The following AUTS2 variants were observed in gnomAD, a reference collection of about 807,000 sequenced individuals.
AUTS2 encodes activator of transcription and developmental regulator AUTS2, also known as autism susceptibility gene 2 protein.
In AUTS2, 17 loss-of-function variants were observed where a neutral mutation model predicts 112.4. The observed-to-expected ratio is 0.15, with a 90% CI of 0.10 to 0.23. The LOEUF is 0.23. Ranked by LOEUF, AUTS2 falls within the 10% of genes least tolerant of loss-of-function variation. AUTS2 has a pLI of 1.00. For synonymous variants in AUTS2, 751 were observed against 702.7 expected (o/e 1.07, Z -1.09); for missense variants, 1,510 against 1,701.6 (o/e 0.89, Z 1.98).
Position 70,787,368 on chromosome 7 carries a change from C to G in AUTS2, c.2468C>G (p.Ala823Gly), listed in dbSNP as rs751635272. 6.2e-7 allele frequency: 1 copy of G among 1,614,052 alleles called. No individual in the cohort carries two copies. Among genetic ancestry groups the G allele is most frequent in the South Asian group, 1.1e-5 (1 of 91,072 alleles). Residue 823 changes from alanine (A) to glycine (G), a missense_variant, in exon 18 of 19, where the codon GCT becomes GGT. Physicochemically the swap from Ala to Gly is moderately conservative, Grantham distance 60. Around this residue, in one of 3 missense-constraint regions of AUTS2, gnomAD observed 788 missense variants for 797.6 expected, o/e 0.99. Coordinates refer to ENST00000342771, the MANE Select transcript of AUTS2 (RefSeq NM_015570.4). The stretch of plus-strand genomic sequence containing the variant: ...CTGGAGCGCAGCGCGTCCGCTGCAG[C>G]TCATGACAGAGATAGAGATGTAGAT... ...GELERSASAAAHDRDRDVDKR... is the reference protein window; with the variant it reads ...GELERSASAAGHDRDRDVDKR...
At chr7:69,778,718 G>C (rs540992731) in intron 1 of AUTS2, among the ~76,000 whole-genome samples, 5 of 152,262 alleles carry the variant, frequency 3.3e-5, no homozygotes, top group Middle Eastern at 3.4e-3. Context: ...GCTGTTTCTT[G>C]GGACAGACTG....
At chr7:69,773,979 C>T (rs1488965490) in intron 1 of AUTS2, among the ~76,000 whole-genome samples, 1 of 152,230 alleles carries the variant, frequency 6.6e-6, no homozygotes, top group South Asian at 2.1e-4. Context: ...GGGAGGCGAA[C>T]TTCTACCTCA....
chr7:70,122,900 A>G (rs1425250307), intron 3 of AUTS2, among the ~76,000 whole-genome samples: 1 of 112,414 alleles, frequency 8.9e-6, no homozygotes. Context: ...CGTGACACGG[A>G]GTTTCGCTCT....
intron 4 of AUTS2, among the ~76,000 whole-genome samples, chr7:70,224,180 T>C (rs1175659554): frequency 1.3e-5 from 2 of 152,060 alleles, no homozygotes; most frequent in Admixed American, 1.3e-4. Flanking sequence ...GTGGGCATGA[T>C]GGTGTGTGCC....
intron 4 of AUTS2, among the ~76,000 whole-genome samples, chr7:70,242,708 C>A (rs765182627): frequency 6.6e-6 from 1 of 152,116 alleles, no homozygotes; most frequent in Non-Finnish European, 1.5e-5. Flanking sequence ...AGTCTCCCTG[C>A]CCTCAAATAG....
intron 5 of AUTS2, among the ~76,000 whole-genome samples, chr7:70,445,751 A>G (rs558289908): frequency 6.6e-6 from 1 of 152,220 alleles, no homozygotes; most frequent in Non-Finnish European, 1.5e-5. Context: ...GTGTCTGTAT[A>G]TGTGTAAACA....
intron 5 of AUTS2, among the ~76,000 whole-genome samples, chr7:70,668,801 C>G (rs1164815501): frequency 6.6e-6 from 1 of 152,214 alleles, no homozygotes; most frequent in African/African-American, 2.4e-5. Context: ...AGACTTTACT[C>G]TTGTCAGAAT....
intron 4 of AUTS2, among the ~76,000 whole-genome samples, chr7:70,234,337 C>T (rs896056276): frequency 2.6e-5 from 4 of 152,238 alleles, no homozygotes; most frequent in Middle Eastern, 3.4e-3. Flanking sequence ...TTGTCATTCA[C>T]GTTTCTCTTC....
At chr7:70,605,347 C>T (rs1034724368) in intron 5 of AUTS2, among the ~76,000 whole-genome samples, 7 of 152,072 alleles carry the variant, frequency 4.6e-5, no homozygotes, top group African/African-American at 7.2e-5. Flanking sequence ...AAAACTGAAT[C>T]GTATGGCATT....
intron 2 of AUTS2, among the ~76,000 whole-genome samples, chr7:70,082,374 G>A (rs1365144257): frequency 1.3e-5 from 2 of 152,180 alleles, no homozygotes; most frequent in East Asian, 3.9e-4. Context: ...ATTCAAAGCA[G>A]GAGTCAGGCT....
In AUTS2 at chr7:70,762,887, G is replaced by A. The variant is rs761396344; in HGVS notation, c.760G>A (p.Gly254Ser). The stretch of plus-strand genomic sequence containing the variant: ...CCATGCAGATCCGGAGTTAGGTGTT[G>A]GCACGCTACCAGAACATGACAGCCA... ...IVNKDPELGV[G>S]TLPEHDSQDA... The change falls in exon 7 of 19, where the codon GGC becomes AGC. Residue 254 changes from glycine to serine, a missense_variant. Physicochemically the swap from Gly to Ser is moderately conservative, Grantham distance 56. Around this residue, in one of 3 missense-constraint regions of AUTS2, gnomAD observed 535 missense variants for 594.3 expected, o/e 0.90. Coordinates refer to ENST00000342771, the MANE Select transcript of AUTS2 (RefSeq NM_015570.4). The A allele has an allele frequency of 2.5e-6, 4 of 1,613,376 alleles. No individual in the cohort carries two copies. Among genetic ancestry groups the A allele is most frequent in the Non-Finnish European group, 3.4e-6 (4 of 1,179,596 alleles).
At position 69,599,798 on chromosome 7, in the gene AUTS2, G is replaced by A. The variant is rs745753819; in HGVS notation, c.145G>A (p.Ala49Thr). The A allele has an allele frequency of 6.9e-6, 11 of 1,586,740 alleles. No individual in the cohort carries two copies. In the South Asian group the frequency reaches 1.1e-4, roughly 16 times the overall value. Reference sequence around the variant, plus strand: ...TGGCCGGACCCGGGCGCTCTCACTCGCCTCGTCGTCGGGCTCCGACAAGGA... The same window carrying A: ...TGGCCGGACCCGGGCGCTCTCACTCACCTCGTCGTCGGGCTCCGACAAGGA... The part of the protein sequence containing the change: ...GAGRTRALSL[A>T]SSSGSDKEDN... Residue 49 changes from alanine (A) to threonine (T), a missense_variant, in exon 1 of 19, where the codon GCC (alanine) becomes ACC (threonine). Physicochemically the swap from Ala to Thr is moderately conservative, Grantham distance 58. This residue lies in a region of AUTS2 where 535 missense variants were observed against 594.3 expected (regional missense o/e 0.90). Transcript: ENST00000342771. The surrounding 1 kb of genome is among the most constrained non-coding windows in gnomAD (Gnocchi z 7.0).
At chr7:70,451,828 A>G (rs1796547066) in intron 5 of AUTS2, among the ~76,000 whole-genome samples, 1 of 152,084 alleles carries the variant, frequency 6.6e-6, no homozygotes, top group African/African-American at 2.4e-5. Flanking sequence ...ACAGTAACTC[A>G]CTTATAGCCT....
intron 2 of AUTS2, among the ~76,000 whole-genome samples, chr7:69,927,674 C>T (rs1466611931): frequency 3.3e-5 from 5 of 152,208 alleles, no homozygotes; most frequent in African/African-American, 7.2e-5. Context: ...AGCAAGTGAG[C>T]GCAGGGTCTG....
chr7:69,968,769 A>G (rs1335737167), intron 2 of AUTS2, among the ~76,000 whole-genome samples: 5 of 152,186 alleles, frequency 3.3e-5, no homozygotes, highest in African/African-American at 1.2e-4. Context: ...GATTATATGC[A>G]TAAGCACATT....
Position 69,599,733 on chromosome 7 carries a change from G to T in AUTS2, c.80G>T (p.Arg27Leu). The stretch of plus-strand genomic sequence containing the variant: ...CAGCGAGACCGGGAGAGGCGCTCCC[G>T]GGGCGGGCTGGGGGCCGGCGCGGCC... ...RSQRDRERRS[R>L]GGLGAGAAGG... Residue 27 changes from arginine (R) to leucine (L), a missense_variant, in exon 1 of 19, where the codon CGG becomes CTG. By Grantham distance (102) the Arg-to-Leu change is moderately radical. Coordinates refer to ENST00000342771, the MANE Select transcript of AUTS2 (RefSeq NM_015570.4). The surrounding 1 kb of genome is among the most constrained non-coding windows in gnomAD (Gnocchi z 7.0). 7.6e-7 allele frequency: 1 copy of T among 1,324,382 alleles called. No homozygotes were observed. Among genetic ancestry groups the T allele is most frequent in the South Asian group, 2.4e-5 (1 of 40,870 alleles). The allele number at this position is 1,324,382 out of a possible 1,614,324, so 82.0% of individuals were successfully genotyped here.
intron 5 of AUTS2, among the ~76,000 whole-genome samples, chr7:70,557,754 A>G (rs1238323040): frequency 6.6e-6 from 1 of 152,208 alleles, no homozygotes; most frequent in Non-Finnish European, 1.5e-5. Context: ...TGTCGGGAGC[A>G]GTCAGATCTG....
At chr7:69,711,213 G>A (rs1237617932) in intron 1 of AUTS2, among the ~76,000 whole-genome samples, 1 of 152,088 alleles carries the variant, frequency 6.6e-6, no homozygotes, top group Non-Finnish European at 1.5e-5. Context: ...CCATTGCTTT[G>A]CCTGTTTGTG....
chr7:70,473,044 C>T (rs990581010), intron 5 of AUTS2, among the ~76,000 whole-genome samples: 1 of 152,126 alleles, frequency 6.6e-6, no homozygotes, highest in Admixed American at 6.5e-5. Context: ...TTCATTTTCC[C>T]GTAATGCAGT....
Sources: allele counts gnomAD v4.1 joint callset (sites outside exome capture counted in the v4.1 genomes callset), GRCh38; gene constraint gnomAD v4.1.1; regional missense constraint gnomAD v4.1.1; non-coding constraint Gnocchi (gnomAD v3.1); transcripts MANE v1.5; gene names NCBI Gene and HGNC (gene_info 2026-07-23, HGNC 2026-07-21).